The following CMTM3 variants were observed in gnomAD, a reference collection of about 807,000 sequenced individuals.
The protein encoded by CMTM3 is CKLF like MARVEL transmembrane domain containing 3.
Under a neutral mutation model 18.2 loss-of-function variants are expected in CMTM3, and 7 were observed. The observed-to-expected ratio is 0.38, with a 90% CI of 0.22 to 0.72. The LOEUF (loss-of-function observed/expected upper bound fraction) is 0.72. Among genes scored for constraint, CMTM3 ranks in the 30% least tolerant of loss-of-function variants. CMTM3 has a pLI of 0.46. For missense variants in CMTM3, 227 were observed against 249.2 expected, an observed-to-expected ratio of 0.91 and a Z score of 0.60; for synonymous variants, 109 against 111.2, an observed-to-expected ratio of 0.98 and a Z score of 0.12.
At chr16:66,607,551 A>G (rs2015202567) in intron 1 of CMTM3, among the ~76,000 whole-genome samples, 1 of 151,460 alleles carries the variant, frequency 6.6e-6, no homozygotes, top group Non-Finnish European at 1.5e-5. Flanking sequence ...TCAACTCTGA[A>G]CACTTCAGGA....
chr16:66,613,343 G>T lies in CMTM3; in HGVS notation c.*706G>T. Reference sequence around the variant, plus strand: ...TAGACTGACTGGTCCAGAAGACAGAGGGTACAACAGTGGCATCACAGTGAC... The same window carrying T: ...TAGACTGACTGGTCCAGAAGACAGATGGTACAACAGTGGCATCACAGTGAC... On this transcript the variant is annotated 3_prime_UTR_variant, in exon 5 of 5. Transcript: ENST00000567572. 1 of 542,752 alleles carries T rather than the reference G, an allele frequency of 1.8e-6. No homozygotes were observed. Among genetic ancestry groups the T allele is most frequent in the Admixed American group, 3.1e-5 (1 of 32,270 alleles). The allele number at this position is 542,752 out of a possible 1,614,324, so 33.6% of individuals were successfully genotyped here.
Position 66,612,687 on chromosome 16 carries a change from G to A in CMTM3, c.*50G>A. ...CTGAGCCACACAGGCCTCCACCCCT[G>A]CGCCTCACAGGGGTCGCTGGCGTTG... On this transcript the variant is annotated 3_prime_UTR_variant, in exon 5 of 5. Coordinates refer to ENST00000567572, the MANE Select transcript of CMTM3 (RefSeq NM_181553.4). The surrounding 1 kb of genome is among the most constrained non-coding windows in gnomAD (Gnocchi z 6.0). 1 of 1,593,900 alleles carries A rather than the reference G, an allele frequency of 6.3e-7. No individual in the cohort carries two copies. Among genetic ancestry groups the A allele is most frequent in the Non-Finnish European group, 8.6e-7 (1 of 1,162,966 alleles).
chr16:66,604,586 G>C (rs1487030493), upstream of CMTM3: 3 of 343,548 alleles, frequency 8.7e-6, no homozygotes, highest in Admixed American at 4.9e-5. Flanking sequence ...AGGCCGGGGA[G>C]GGGGCGGGTC....
chr16:66,604,865 C>G lies in CMTM3; in HGVS notation c.60C>G (p.Pro20=). ...CCGAGCCTGCCGGCGGCTCCCGTCCCGGCCCCGCGGTCCCCGGGCTCCGCG... is the reference window on the plus strand; with the variant it reads ...CCGAGCCTGCCGGCGGCTCCCGTCCGGGCCCCGCGGTCCCCGGGCTCCGCG... ...PDPEPAGGSR[P]GPAVPGLRAL... Residue 20 remains proline, a synonymous_variant, in exon 1 of 5, where the codon CCC becomes CCG. Coordinates refer to ENST00000567572, the MANE Select transcript of CMTM3 (RefSeq NM_181553.4). 6.4e-6 allele frequency: 9 copies of G among 1,400,378 alleles called. No homozygotes were observed. The highest frequency in any genetic ancestry group is 8.3e-6 in the Non-Finnish European group (9 of 1,081,024). The allele number at this position is 1,400,378 out of a possible 1,614,324, so 86.7% of individuals were successfully genotyped here.
rs757801687 is a variant in CMTM3, at chr16:66,609,503, C to T, written c.372C>T (p.Tyr124=). ...FAISITAIAK[Y]SDGASKAAGV... ...TCTCCATCACGGCCATCGCCAAGTA[C>T]TCGGATGGGGCTTCCAAAGCCGCTG... The change falls in exon 3 of 5, where the codon TAC becomes TAT. Residue 124 remains tyrosine (Y), a synonymous_variant. Coordinates refer to ENST00000567572, the MANE Select transcript of CMTM3 (RefSeq NM_181553.4). The surrounding 1 kb of genome is among the most constrained non-coding windows in gnomAD (Gnocchi z 4.4). The T allele has an allele frequency of 1.1e-5, 18 of 1,608,100 alleles. No individual in the cohort carries two copies. Among genetic ancestry groups the T allele is most frequent in the Non-Finnish European group, 1.4e-5 (16 of 1,177,286 alleles).
chr16:66,608,329 T>A lies in CMTM3; in HGVS notation c.168T>A (p.Phe56Leu). 6.2e-7 allele frequency: 1 copy of A among 1,614,232 alleles called. No individual in the cohort carries two copies. Among genetic ancestry groups the A allele is most frequent in the Non-Finnish European group, 8.5e-7 (1 of 1,180,030 alleles). ...LAESGLSFIT[F>L]ICYVASSASA... is the part of the protein sequence containing the mutation. The stretch of plus-strand genomic sequence containing the variant: ...CGCAGGGTCTCTCATTCATCACTTT[T>A]ATCTGCTATGTGGCGTCCTCAGCAT... The change falls in exon 2 of 5, where the codon TTT becomes TTA. Residue 56 changes from phenylalanine (F) to leucine (L), a missense_variant. Coordinates refer to ENST00000567572, the MANE Select transcript of CMTM3 (RefSeq NM_181553.4). The surrounding 1 kb of genome is among the most constrained non-coding windows in gnomAD (Gnocchi z 5.1).
chr16:66,613,213 A>G lies in CMTM3; in HGVS notation c.*576A>G, dbSNP rs2015450270. 8.7e-6 allele frequency: 6 copies of G among 690,512 alleles called. 1 individual carries two copies. Among genetic ancestry groups the G allele is most frequent in the Admixed American group, 6.1e-5 (3 of 49,408 alleles). 42.8% of individuals were successfully genotyped at this position (690,512 alleles called of 1,614,324 possible). A position where few individuals can be genotyped will look rare whatever the true frequency, so the allele number is the denominator to read the frequency against. On this transcript the variant is annotated 3_prime_UTR_variant, in exon 5 of 5. Transcript: ENST00000567572. The stretch of plus-strand genomic sequence containing the variant: ...TTGACCTTTGCCTTGTCGCCCAGGA[A>G]GTGGGGCTCGGCACCCATAACTAAC...
At position 66,605,996 on chromosome 16, in the gene CMTM3, G is replaced by A. The variant is rs775626092; in HGVS notation, c.147+1044G>A. ...GGAGCCACTTGAGGGGAGAAGCCTCGAATCCACCGTCCCCAGAGTGGCTTG... is the reference window on the plus strand; with the variant it reads ...GGAGCCACTTGAGGGGAGAAGCCTCAAATCCACCGTCCCCAGAGTGGCTTG... On this transcript the variant is annotated intron_variant, in intron 1 of 4. Coordinates refer to ENST00000567572, the MANE Select transcript of CMTM3 (RefSeq NM_181553.4). This position sits in a 1 kb window ranked among gnomAD's most constrained non-coding sequence, Gnocchi z 4.6. Among the ~76,000 whole-genome samples the A allele has an allele frequency of 1.3e-5, 2 of 151,866 alleles. No individual in the cohort carries two copies. Among genetic ancestry groups the A allele is most frequent in the African/African-American group, 4.8e-5 (2 of 41,352 alleles).
At position 66,609,873 on chromosome 16, in the gene CMTM3, C is replaced by T. The variant is rs1397224829; in HGVS notation, c.400-10C>T. 6.2e-7 allele frequency: 1 copy of T among 1,614,226 alleles called. No individual in the cohort carries two copies. The highest frequency in any genetic ancestry group is 2.2e-5 in the East Asian group (1 of 44,866). ...AGCCCTGTGATGCATCCCATCCACCCTGTCCACAGGTGTTTGGCTTCTTTG... is the reference window on the plus strand; with the variant it reads ...AGCCCTGTGATGCATCCCATCCACCTTGTCCACAGGTGTTTGGCTTCTTTG... On this transcript the variant is annotated splice_polypyrimidine_tract_variant and intron_variant, in intron 3 of 4. Coordinates refer to ENST00000567572, the MANE Select transcript of CMTM3 (RefSeq NM_181553.4). This position sits in a 1 kb window ranked among gnomAD's most constrained non-coding sequence, Gnocchi z 4.4.
At position 66,612,952 on chromosome 16, in the gene CMTM3, G is replaced by A; in HGVS notation, c.*315G>A. On this transcript the variant is annotated 3_prime_UTR_variant, in exon 5 of 5. Transcript: ENST00000567572. The surrounding 1 kb of genome is among the most constrained non-coding windows in gnomAD (Gnocchi z 6.0). ...GCACAAGGAGACAAAGCAGAGCCTT[G>A]TCTGTATCTGGGCAGCAGGTGTTCC... 1 of 668,054 alleles carries A rather than the reference G, an allele frequency of 1.5e-6. No individual in the cohort carries two copies. 41.4% of individuals were successfully genotyped at this position (668,054 alleles called of 1,614,324 possible).
Position 66,608,531 on chromosome 16 carries a change from C to T in CMTM3, c.303+67C>T. ...AGTGGCCAGATGAGGAGTCCAGAGT[C>T]GTGCACTTGGGCCCTTATCCTTTCT... On this transcript the variant is annotated intron_variant, in intron 2 of 4. Transcript: ENST00000567572. The surrounding 1 kb of genome is among the most constrained non-coding windows in gnomAD (Gnocchi z 5.1). 5.9e-6 allele frequency: 9 copies of T among 1,524,496 alleles called. No homozygotes were observed. Among genetic ancestry groups the T allele is most frequent in the Non-Finnish European group, 8.1e-6 (9 of 1,112,610 alleles). The allele number at this position is 1,524,496 out of a possible 1,614,324, so 94.4% of individuals were successfully genotyped here.
rs2015267456 is a variant in CMTM3 at position 66,609,034 on chromosome 16, A to C, written c.304-401A>C. On this transcript the variant is annotated intron_variant, in intron 2 of 4. Transcript: ENST00000567572. The surrounding 1 kb of genome is among the most constrained non-coding windows in gnomAD (Gnocchi z 4.4). ...CCCATCTTAGGGACGGATAAGCAGA[A>C]ACTGTGGTCCATGAATGGATCGGCC... Among the ~76,000 whole-genome samples the C allele has an allele frequency of 6.6e-6, 1 of 152,236 alleles. No individual in the cohort carries two copies. Among genetic ancestry groups the C allele is most frequent in the Non-Finnish European group, 1.5e-5 (1 of 68,024 alleles).
In CMTM3 at chr16:66,605,972, G is replaced by C. The variant is rs1431706587; in HGVS notation, c.147+1020G>C. ...CCAGCCCCACCCTGGAGACCACTGG[G>C]AGCCACTTGAGGGGAGAAGCCTCGA... On this transcript the variant is annotated intron_variant, in intron 1 of 4. Coordinates refer to ENST00000567572, the MANE Select transcript of CMTM3 (RefSeq NM_181553.4). The surrounding 1 kb of genome is among the most constrained non-coding windows in gnomAD (Gnocchi z 4.6). Among the ~76,000 whole-genome samples the C allele has an allele frequency of 1.3e-5, 2 of 151,896 alleles. No homozygotes were observed. Among genetic ancestry groups the C allele is most frequent in the Non-Finnish European group, 2.9e-5 (2 of 67,962 alleles).
At position 66,613,558 on chromosome 16, in the gene CMTM3, T is replaced by C. The variant is rs932469411; in HGVS notation, c.*921T>C. 8 of 160,290 alleles carry C rather than the reference T, an allele frequency of 5.0e-5. No individual in the cohort carries two copies. Among genetic ancestry groups the C allele is most frequent in the African/African-American group, 7.2e-5 (3 of 41,798 alleles). The allele number at this position is 160,290 out of a possible 1,614,324, so 9.9% of individuals were successfully genotyped here. On this transcript the variant is annotated 3_prime_UTR_variant, in exon 5 of 5. Coordinates refer to ENST00000567572, the MANE Select transcript of CMTM3 (RefSeq NM_181553.4). The stretch of plus-strand genomic sequence containing the variant: ...ATTTATACTGTGTATCTGTCTTTGA[T>C]GGAATTTTGTAACTTTTTATATTTT...
rs749430260 is a variant in CMTM3, at chr16:66,608,261, A to G, written c.148-48A>G. On this transcript the variant is annotated intron_variant, in intron 1 of 4. Transcript: ENST00000567572. This position sits in a 1 kb window ranked among gnomAD's most constrained non-coding sequence, Gnocchi z 5.1. ...GGCCTGGCTCAGAGGAGCACTGGAC[A>G]AGGAACATGAAAAGGCTCTGACTTC... 8 of 1,607,372 alleles carry G rather than the reference A, an allele frequency of 5.0e-6. No homozygotes were observed. The Admixed American group carries it at 1.2e-4, about 24-fold the overall frequency.
rs1002785603 is a variant in CMTM3, at chr16:66,613,438, G to A, written c.*801G>A. On this transcript the variant is annotated 3_prime_UTR_variant, in exon 5 of 5. Transcript: ENST00000567572. ...CCTAGAGCCCAGCCAGCAGGCAGGA[G>A]TTCCTGGACCCTCAGGACAGTGAAC... 8 of 354,582 alleles carry A rather than the reference G, an allele frequency of 2.3e-5. No individual in the cohort carries two copies. The highest frequency in any genetic ancestry group is 1.4e-4 in the South Asian group (3 of 21,102). The allele number at this position is 354,582 out of a possible 1,614,324, so 22.0% of individuals were successfully genotyped here. A position where few individuals can be genotyped will look rare whatever the true frequency, so the allele number is the denominator to read the frequency against.
intron 1 of CMTM3, among the ~76,000 whole-genome samples, chr16:66,606,190 G>A (rs2015144776): frequency 6.6e-6 from 1 of 152,104 alleles, no homozygotes; most frequent in Non-Finnish European, 1.5e-5. Flanking sequence ...GGGCACTCCT[G>A]CCTCCCTAGT....
rs2015094122 is a variant in CMTM3 at position 66,605,221 on chromosome 16, G to A, written c.147+269G>A. The A allele has an allele frequency of 2.9e-6, 1 of 344,218 alleles. No homozygotes were observed. The highest frequency in any genetic ancestry group is 5.3e-6 in the Non-Finnish European group (1 of 189,070). 21.3% of individuals were successfully genotyped at this position (344,218 alleles called of 1,614,324 possible). A position where few individuals can be genotyped will look rare whatever the true frequency, so the allele number is the denominator to read the frequency against. ...GGGCCGTGGGAAGTGGGTGGGGCCCGGGGATGTGGGTCCTGCTGTGTGAGC... is the reference window on the plus strand; with the variant it reads ...GGGCCGTGGGAAGTGGGTGGGGCCCAGGGATGTGGGTCCTGCTGTGTGAGC... On this transcript the variant is annotated intron_variant, in intron 1 of 4. Transcript: ENST00000567572. This position sits in a 1 kb window ranked among gnomAD's most constrained non-coding sequence, Gnocchi z 4.6.
At position 66,607,834 on chromosome 16, in the gene CMTM3, G is replaced by C. The variant is rs1215280475; in HGVS notation, c.148-475G>C. Among the ~76,000 whole-genome samples the C allele has an allele frequency of 2.7e-5, 4 of 150,832 alleles. No individual in the cohort carries two copies. In the East Asian group the frequency reaches 8.0e-4, roughly 30 times the overall value. The stretch of plus-strand genomic sequence containing the variant: ...ATAGGTGTGAGCCTGGGCCATGCTG[G>C]GTTTTTTTTTTTTGTAGGGGCGGGT... On this transcript the variant is annotated intron_variant, in intron 1 of 4. Transcript: ENST00000567572.
Sources: allele counts gnomAD v4.1 joint callset (sites outside exome capture counted in the v4.1 genomes callset), GRCh38; gene constraint gnomAD v4.1.1; non-coding constraint Gnocchi (gnomAD v3.1); transcripts MANE v1.5; gene names NCBI Gene and HGNC (gene_info 2026-07-23, HGNC 2026-07-21).